AGBL4: variants seen among roughly 807,000 people sequenced by gnomAD.
AGBL4 encodes cytosolic carboxypeptidase 6.
Under a neutral mutation model 66.4 loss-of-function variants are expected in AGBL4, and 58 were observed. That is an observed-to-expected ratio of 0.87 (90% confidence interval 0.71 to 1.09). AGBL4 has a LOEUF of 1.09. Among genes scored for constraint, AGBL4 ranks in the 50% least tolerant of loss-of-function variants. AGBL4 has a pLI of 0.00. For synonymous variants in AGBL4, 234 were observed against 222.9 expected, an observed-to-expected ratio of 1.05 and a Z score of -0.44; for missense variants, 579 against 631.0, an observed-to-expected ratio of 0.92 and a Z score of 0.88.
At chr1:48,610,424 G>C (rs538917372) in intron 9 of AGBL4, among the ~76,000 whole-genome samples, 1 of 152,196 alleles carries the variant, frequency 6.6e-6, no homozygotes, top group Non-Finnish European at 1.5e-5. Context: ...CTGCCAGGTT[G>C]GTGGGGGGCA....
intron 2 of AGBL4, among the ~76,000 whole-genome samples, chr1:49,774,629 A>T (rs1009295518): frequency 6.6e-6 from 1 of 152,222 alleles, no homozygotes; most frequent in Admixed American, 6.5e-5. Flanking sequence ...AATTGAAAAG[A>T]TATCTTTTCT....
At chr1:49,098,999 G>T (rs1208955880) in intron 4 of AGBL4, among the ~76,000 whole-genome samples, 1 of 152,084 alleles carries the variant, frequency 6.6e-6, no homozygotes. Flanking sequence ...TCCCTCCCAC[G>T]GGCCAAGCTC....
At chr1:49,324,758 A>T (rs1223915839) in intron 3 of AGBL4, among the ~76,000 whole-genome samples, 1 of 152,210 alleles carries the variant, frequency 6.6e-6, no homozygotes, top group African/African-American at 2.4e-5. Flanking sequence ...TCACACTCAG[A>T]AGCCTTCACT....
chr1:49,073,072 C>T (rs947518128), intron 4 of AGBL4, among the ~76,000 whole-genome samples: 16 of 152,292 alleles, frequency 1.1e-4, no homozygotes, highest in South Asian at 2.1e-4. Flanking sequence ...ACAAGGTTCT[C>T]GTGCTACGTT....
At chr1:49,795,045 T>C (rs1029126171) in intron 2 of AGBL4, among the ~76,000 whole-genome samples, 13 of 151,588 alleles carry the variant, frequency 8.6e-5, no homozygotes, top group Non-Finnish European at 1.2e-4. Flanking sequence ...AATACGAAGA[T>C]AGGGAAATAA....
chr1:48,778,849 C>T (rs917992746), intron 6 of AGBL4, among the ~76,000 whole-genome samples: 3 of 152,198 alleles, frequency 2.0e-5, no homozygotes, highest in African/African-American at 7.2e-5. Flanking sequence ...ATATAGCTCT[C>T]ATATCCAAAT....
At chr1:49,563,595 A>G (rs950095327) in intron 3 of AGBL4, among the ~76,000 whole-genome samples, 13 of 152,134 alleles carry the variant, frequency 8.5e-5, no homozygotes, top group African/African-American at 3.1e-4. Flanking sequence ...GGTTCTGTTT[A>G]TATGCTGGAT....
intron 2 of AGBL4, among the ~76,000 whole-genome samples, chr1:49,707,244 A>G (rs1647273488): frequency 6.6e-6 from 1 of 151,850 alleles, no homozygotes; most frequent in Non-Finnish European, 1.5e-5. Flanking sequence ...ATGCATATAT[A>G]TTTAGGATAG....
At chr1:48,826,155 C>A (rs939953071) in intron 6 of AGBL4, among the ~76,000 whole-genome samples, 1 of 152,166 alleles carries the variant, frequency 6.6e-6, no homozygotes, top group Non-Finnish European at 1.5e-5. Flanking sequence ...CCTTTGATAA[C>A]CCTTCCCTCT....
chr1:48,864,382 A>G (rs1647788907), intron 6 of AGBL4, among the ~76,000 whole-genome samples: 1 of 152,200 alleles, frequency 6.6e-6, no homozygotes, highest in Non-Finnish European at 1.5e-5. Context: ...ATTGGTCATT[A>G]TGTAGTTAAT....
Position 49,162,427 on chromosome 1 carries a change from T to A in AGBL4, c.377+83343A>T, listed in dbSNP as rs377654733. Among the ~76,000 whole-genome samples, 52 of 152,314 alleles carry A rather than the reference T, an allele frequency of 3.4e-4. 1 individual carries two copies. In the South Asian group the frequency reaches 9.5e-3, roughly 28 times the overall value. Reference sequence around the variant, plus strand: ...ACATGACATAGTCATACTCAGTAAATGTCTGATAAATGAATAAATGAACAA... The same window carrying A: ...ACATGACATAGTCATACTCAGTAAAAGTCTGATAAATGAATAAATGAACAA... On this transcript the variant is annotated intron_variant, in intron 4 of 13. Coordinates refer to ENST00000371839, the MANE Select transcript of AGBL4 (RefSeq NM_032785.4).
intron 6 of AGBL4, among the ~76,000 whole-genome samples, chr1:48,763,797 A>G (rs1273884944): frequency 2.6e-5 from 4 of 152,236 alleles, no homozygotes; most frequent in Admixed American, 1.3e-4. Context: ...AATGCAGATG[A>G]GAAAAACAAG....
chr1:48,958,361 A>G (rs1003326951), intron 5 of AGBL4, among the ~76,000 whole-genome samples: 3 of 152,198 alleles, frequency 2.0e-5, no homozygotes, highest in African/African-American at 7.2e-5. Context: ...CTCTTCTGCC[A>G]CCATAGTATA....
chr1:49,574,068 C>T lies in AGBL4; in HGVS notation c.282+123245G>A, dbSNP rs376936029. ...ATTCTCTTCAGGAGCCACCCCAACA[C>T]CGCTGTTTGCTTCTAGACCTATAAC... is the stretch of plus-strand genomic sequence containing the variant. On this transcript the variant is annotated intron_variant, in intron 3 of 13. Transcript: ENST00000371839. Among the ~76,000 whole-genome samples the T allele has an allele frequency of 3.3e-4, 50 of 152,296 alleles. 1 individual carries two copies. In the South Asian group the frequency reaches 9.1e-3, roughly 28 times the overall value.
intron 7 of AGBL4, 43 bp downstream of exon 7, chr1:48,663,109 G>T (rs1201456280): frequency 4.4e-6 from 7 of 1,583,270 alleles, no homozygotes; most frequent in Non-Finnish European, 6.1e-6. Flanking sequence ...CAGTGTCCCA[G>T]TTGGATGTGG....
In AGBL4 at chr1:49,494,543, C is replaced by T. The variant is rs375664503; in HGVS notation, c.282+202770G>A. ...TGTGGTGTTTGGTTTTTTGTTCTTG[C>T]GATAGTTTACTGAGAATGATGATTT... On this transcript the variant is annotated intron_variant, in intron 3 of 13. Coordinates refer to ENST00000371839, the MANE Select transcript of AGBL4 (RefSeq NM_032785.4). Among the ~76,000 whole-genome samples, 44 of 151,808 alleles carry T rather than the reference C, an allele frequency of 2.9e-4. No homozygotes were observed. In the East Asian group the frequency reaches 4.7e-3, roughly 16 times the overall value.
intron 3 of AGBL4, among the ~76,000 whole-genome samples, chr1:49,566,024 T>G (rs528735069): frequency 1.3e-5 from 2 of 152,340 alleles, no homozygotes; most frequent in African/African-American, 4.8e-5. Context: ...CTCTCTAAAC[T>G]TCTCTTCATG....
intron 3 of AGBL4, among the ~76,000 whole-genome samples, chr1:49,561,231 T>A (rs974298131): frequency 6.6e-6 from 1 of 151,690 alleles, no homozygotes; most frequent in East Asian, 1.9e-4. Context: ...GGTGTAGAGC[T>A]TTTTTAAGTT....
intron 5 of AGBL4, among the ~76,000 whole-genome samples, chr1:48,920,083 A>C (rs1239896172): frequency 6.6e-6 from 1 of 152,224 alleles, no homozygotes; most frequent in African/African-American, 2.4e-5. Context: ...TCTTGGCTGA[A>C]GATAGATTGG....
Sources: allele counts gnomAD v4.1 joint callset (sites outside exome capture counted in the v4.1 genomes callset), GRCh38; gene constraint gnomAD v4.1.1; transcripts MANE v1.5; gene names NCBI Gene and HGNC (gene_info 2026-07-23, HGNC 2026-07-21).